The following SPACA9 variants were observed in gnomAD, a reference collection of about 807,000 sequenced individuals.
SPACA9 encodes sperm acrosome-associated protein 9.
In SPACA9, 14 loss-of-function variants were observed where a neutral mutation model predicts 12.5. The observed-to-expected ratio is 1.12, with a 90% CI of 0.74 to 1.75. The LOEUF (loss-of-function observed/expected upper bound fraction) is 1.75. Among genes scored for constraint, SPACA9 ranks in the 40% most tolerant of loss-of-function variants. The probability of loss-of-function intolerance (pLI) is 0.00; values close to 1 mark genes in which losing one functional copy is unlikely to be tolerated. For synonymous variants in SPACA9, 111 were observed against 114.1 expected (o/e 0.97, Z 0.17); for missense variants, 292 against 291.9 (o/e 1.00, Z 0.00).
chr9:132,883,113 G>T (rs1459497784), intron 1 of SPACA9, among the ~76,000 whole-genome samples: 1 of 152,186 alleles, frequency 6.6e-6, no homozygotes, highest in Non-Finnish European at 1.5e-5. Flanking sequence ...GCTCTGTGGA[G>T]CACCTAAATC....
At position 132,888,218 on chromosome 9, in the gene SPACA9, T is replaced by C; in HGVS notation, c.348-72T>C. ...CCAGGTGACTCTGCTGTGCCTGAGG[T>C]GTGGCAGCTGCTTGCCACGGCATGG... On this transcript the variant is annotated intron_variant, in intron 3 of 3. Transcript: ENST00000356311. This position sits in a 1 kb window ranked among gnomAD's most constrained non-coding sequence, Gnocchi z 5.0. 1 of 1,547,050 alleles carries C rather than the reference T, an allele frequency of 6.5e-7. No individual in the cohort carries two copies. The highest frequency in any genetic ancestry group is 8.7e-7 in the Non-Finnish European group (1 of 1,145,800).
chr9:132,889,491 C>T lies in SPACA9; in HGVS notation c.*880C>T, dbSNP rs1364115823. ...GCACGATCTTGGCTCACTGCAACCT[C>T]CACCTCCAGGTTCAAGCGATTCTCC... is the stretch of plus-strand genomic sequence containing the variant. On this transcript the variant is annotated 3_prime_UTR_variant, in exon 4 of 4. Transcript: ENST00000356311. The T allele has an allele frequency of 3.6e-6, 3 of 830,980 alleles. No homozygotes were observed. The highest frequency in any genetic ancestry group is 1.8e-5 in the African/African-American group (1 of 54,182). 51.5% of individuals were successfully genotyped at this position (830,980 alleles called of 1,614,324 possible). A position where few individuals can be genotyped will look rare whatever the true frequency, so the allele number is the denominator to read the frequency against.
Position 132,889,602 on chromosome 9 carries a change from A to T in SPACA9, c.*991A>T, listed in dbSNP as rs1844691646. On this transcript the variant is annotated 3_prime_UTR_variant, in exon 4 of 4. Coordinates refer to ENST00000356311, the MANE Select transcript of SPACA9 (RefSeq NM_001316897.2). ...TATATATATATATTTTTTAGTAGAG[A>T]CGGGGCTTCACCACGTTGGCCAGGC... is the stretch of plus-strand genomic sequence containing the variant. 3 of 382,918 alleles carry T rather than the reference A, an allele frequency of 7.8e-6. No homozygotes were observed. Among genetic ancestry groups the T allele is most frequent in the Non-Finnish European group, 1.1e-5 (3 of 279,156 alleles). 23.7% of individuals were successfully genotyped at this position (382,918 alleles called of 1,614,324 possible).
At position 132,888,712 on chromosome 9, in the gene SPACA9, T is replaced by C; in HGVS notation, c.*101T>C. 6 of 1,449,952 alleles carry C rather than the reference T, an allele frequency of 4.1e-6. No homozygotes were observed. The highest frequency in any genetic ancestry group is 3.6e-6 in the Non-Finnish European group (4 of 1,100,910). The allele number at this position is 1,449,952 out of a possible 1,614,324, so 89.8% of individuals were successfully genotyped here. On this transcript the variant is annotated 3_prime_UTR_variant, in exon 4 of 4. Transcript: ENST00000356311. This position sits in a 1 kb window ranked among gnomAD's most constrained non-coding sequence, Gnocchi z 5.0. ...GGTACCCATGGACCCTGCCACTTAC[T>C]AACCCCAAGGGAATCAGCCAATATA...
intron 1 of SPACA9, among the ~76,000 whole-genome samples, chr9:132,881,821 C>A (rs1374010617): frequency 6.6e-6 from 1 of 152,136 alleles, no homozygotes; most frequent in Non-Finnish European, 1.5e-5. Flanking sequence ...GCCACTGTGC[C>A]TGGCCTATTT....
rs2131496376 is a variant in SPACA9 at position 132,888,356 on chromosome 9, C to T, written c.414C>T (p.Val138=). 6.2e-7 allele frequency: 1 copy of T among 1,614,106 alleles called. No homozygotes were observed. The highest frequency in any genetic ancestry group is 8.5e-7 in the Non-Finnish European group (1 of 1,180,024). ...CCCGGAACCACTACGGCGGCGTGGT[C>T]AGCCTCATCCCCCTCATCCTAGACT... is the stretch of plus-strand genomic sequence containing the variant. The part of the protein sequence containing the change: ...DEARNHYGGV[V]SLIPLILDLM... Residue 138 remains valine (V), a synonymous_variant, in exon 4 of 4, where the codon GTC becomes GTT. Coordinates refer to ENST00000356311, the MANE Select transcript of SPACA9 (RefSeq NM_001316897.2). The surrounding 1 kb of genome is among the most constrained non-coding windows in gnomAD (Gnocchi z 5.0).
Position 132,887,257 on chromosome 9 carries a change from G to A in SPACA9, c.145-112G>A, listed in dbSNP as rs1844592078. The A allele has an allele frequency of 4.6e-6, 4 of 869,228 alleles. No individual in the cohort carries two copies. In the East Asian group the frequency reaches 7.2e-5, roughly 16 times the overall value. 53.8% of individuals were successfully genotyped at this position (869,228 alleles called of 1,614,324 possible). ...TAAGCGTTACTTGCGTCTCCCCCAT[G>A]AGTCATGTAGGGTGGGAGGGAGTAG... On this transcript the variant is annotated intron_variant, in intron 2 of 3. Transcript: ENST00000356311. This position sits in a 1 kb window ranked among gnomAD's most constrained non-coding sequence, Gnocchi z 5.4.
chr9:132,884,311 C>T (rs886278944), intron 2 of SPACA9, among the ~76,000 whole-genome samples: 5 of 152,206 alleles, frequency 3.3e-5, no homozygotes, highest in Non-Finnish European at 7.3e-5. Context: ...AAAACTCAGC[C>T]GGCCAGGGCT....
intron 1 of SPACA9, among the ~76,000 whole-genome samples, chr9:132,883,519 CGTGT>C (rs954555580): frequency 1.2e-4 from 18 of 151,824 alleles, no homozygotes; most frequent in East Asian, 5.8e-4. Context: ...TACACGCGTG[CGTGT>C]GTGTGTGTAT....
At chr9:132,881,765 G>A (rs867628390) in intron 1 of SPACA9, among the ~76,000 whole-genome samples, 1 of 151,386 alleles carries the variant, frequency 6.6e-6, no homozygotes, top group Non-Finnish European at 1.5e-5. Context: ...GGGTTCAAGC[G>A]ATCCTCCTGC....
upstream of SPACA9, chr9:132,878,669 GAATA>G (rs1844273277): frequency 4.0e-6 from 4 of 998,382 alleles, no homozygotes; most frequent in Middle Eastern, 5.0e-4. The surrounding 1 kb of genome is among the most constrained non-coding windows in gnomAD (Gnocchi z 4.7). Flanking sequence ...ACAGACGCGG[GAATA>G]AATGTGGGGG....
In SPACA9 at chr9:132,888,609, T is replaced by A. The variant is rs2131497321; in HGVS notation, c.667T>A (p.Ter223LysextTer113). The A allele has an allele frequency of 6.5e-7, 1 of 1,528,708 alleles. No homozygotes were observed. Among genetic ancestry groups the A allele is most frequent in the Non-Finnish European group, 8.8e-7 (1 of 1,135,532 alleles). 94.7% of individuals were successfully genotyped at this position (1,528,708 alleles called of 1,614,324 possible). The change falls in exon 4 of 4, where the codon TAA becomes AAA. Residue 223 changes from the stop codon to lysine, a stop_lost. Transcript: ENST00000356311. This position sits in a 1 kb window ranked among gnomAD's most constrained non-coding sequence, Gnocchi z 5.0. ...CTGGAGGCCTCCTGGTGGGAAATTG[T>A]AACTCAGAGCCAGGAGCTCCGTCGG... ...PPWRPPGGKL[*>K]
At position 132,884,071 on chromosome 9, in the gene SPACA9, C is replaced by A. The variant is rs1015969497; in HGVS notation, c.124C>A (p.Pro42Thr). The change falls in exon 2 of 4, where the codon CCC becomes ACC. Residue 42 changes from proline (P) to threonine (T), a missense_variant. By Grantham distance (38) the Pro-to-Thr change is conservative. Coordinates refer to ENST00000356311, the MANE Select transcript of SPACA9 (RefSeq NM_001316897.2). ...CRENAHDKIR[P>T]ISSIGQVQSY... is the part of the protein sequence containing the mutation. ...GGAGAACGCCCACGACAAGATCCGG[C>A]CCATCTCCAGCATTGGACAGGTGGG... The A allele has an allele frequency of 3.1e-6, 5 of 1,613,988 alleles. No homozygotes were observed. The highest frequency in any genetic ancestry group is 1.3e-5 in the African/African-American group (1 of 74,914).
chr9:132,888,272 C>T lies in SPACA9; in HGVS notation c.348-18C>T, dbSNP rs569199412. The stretch of plus-strand genomic sequence containing the variant: ...GTCCCGGGAGCATGGGTTCACCTGG[C>T]CCCCTGCCGTCCTGCAGATACCCTC... On this transcript the variant is annotated intron_variant, in intron 3 of 3. Coordinates refer to ENST00000356311, the MANE Select transcript of SPACA9 (RefSeq NM_001316897.2). The surrounding 1 kb of genome is among the most constrained non-coding windows in gnomAD (Gnocchi z 5.0). The T allele has an allele frequency of 6.3e-7, 1 of 1,581,514 alleles. No individual in the cohort carries two copies. The highest frequency in any genetic ancestry group is 1.2e-5 in the South Asian group (1 of 85,810).
intron 2 of SPACA9, among the ~76,000 whole-genome samples, chr9:132,884,847 G>T (rs1262073283): frequency 6.6e-6 from 1 of 152,230 alleles, no homozygotes; most frequent in Non-Finnish European, 1.5e-5. Context: ...CAGGCGTGGT[G>T]GCTCATGCCT....
At chr9:132,890,080 A>G (rs940192447), downstream of SPACA9, 11 of 1,232,718 alleles carry the variant, frequency 8.9e-6, no homozygotes, top group African/African-American at 1.5e-5. Flanking sequence ...GAAAACCTAC[A>G]TCTCCCCTAA....
At position 132,884,010 on chromosome 9, in the gene SPACA9, G is replaced by C; in HGVS notation, c.63G>C (p.Gln21His). 1 of 1,614,186 alleles carries C rather than the reference G, an allele frequency of 6.2e-7. No homozygotes were observed. Among genetic ancestry groups the C allele is most frequent in the East Asian group, 2.2e-5 (1 of 44,882 alleles). The change falls in exon 2 of 4, where the codon CAG (glutamine) becomes CAC (histidine). Residue 21 changes from glutamine to histidine, a missense_variant. Transcript: ENST00000356311. ...IEQKYKLFQQ[Q>H]QLTFTAALEH... ...AGAAGTACAAGCTCTTCCAGCAGCA[G>C]CAGCTCACCTTCACCGCCGCTCTGG... is the stretch of plus-strand genomic sequence containing the variant.
rs1844583801 is a variant in SPACA9, at chr9:132,887,013, T to C, written c.145-356T>C. On this transcript the variant is annotated intron_variant, in intron 2 of 3. Transcript: ENST00000356311. The surrounding 1 kb of genome is among the most constrained non-coding windows in gnomAD (Gnocchi z 5.4). ...TCCTAGTAGAGATGGGGTTTCACCATGTTGACCAGGCTGGTCTCGAACTCC... is the reference window on the plus strand; with the variant it reads ...TCCTAGTAGAGATGGGGTTTCACCACGTTGACCAGGCTGGTCTCGAACTCC... 6.6e-6 allele frequency among the ~76,000 whole-genome samples: 1 copy of C among 151,998 alleles called. No individual in the cohort carries two copies. Among genetic ancestry groups the C allele is most frequent in the Non-Finnish European group, 1.5e-5 (1 of 68,016 alleles).
intron 2 of SPACA9, among the ~76,000 whole-genome samples, chr9:132,885,567 A>C (rs11243924): frequency 0.2 from 30,498 of 150,960 alleles, 3,341 homozygotes; most frequent in East Asian, 0.43. Flanking sequence ...CACCCATATA[A>C]CCCTCACCCA....
Sources: gnomAD v4.1 joint callset for allele counts (sites outside exome capture counted in the v4.1 genomes callset) on GRCh38, gnomAD v4.1.1 for gene constraint, Gnocchi (gnomAD v3.1) non-coding constraint, MANE v1.5 for transcripts, NCBI Gene and HGNC (gene_info 2026-07-23, HGNC 2026-07-21) for gene names.